SGCZ: variants seen among roughly 807,000 people sequenced by gnomAD.
The protein encoded by SGCZ is zeta-sarcoglycan.
Under a neutral mutation model 41.3 loss-of-function variants are expected in SGCZ, and 40 were observed. That is an observed-to-expected ratio of 0.97 (90% CI 0.75 to 1.26). The LOEUF (loss-of-function observed/expected upper bound fraction) is 1.26, where lower values mean the gene tolerates loss of function less well. Ranked by LOEUF, SGCZ falls within the 50% of genes most tolerant of loss-of-function variation. The pLI, the probability that SGCZ is intolerant of heterozygous loss-of-function variation, is 0.00. For missense variants in SGCZ, 552 were observed against 369.8 expected, an observed-to-expected ratio of 1.49 and a Z score of -4.04; for synonymous variants, 206 against 137.5, an observed-to-expected ratio of 1.50 and a Z score of -3.49.
intron 2 of SGCZ, among the ~76,000 whole-genome samples, chr8:14,542,980 G>A (rs966474997): frequency 6.6e-6 from 1 of 151,754 alleles, no homozygotes; most frequent in African/African-American, 2.4e-5. Flanking sequence ...GCTAGAAAGG[G>A]GGAAAACCAG....
At chr8:14,680,949 G>T (rs1808422230) in intron 1 of SGCZ, among the ~76,000 whole-genome samples, 1 of 68,406 alleles carries the variant, frequency 1.5e-5, no homozygotes, top group African/African-American at 9.5e-5. Context: ...GAAACATACA[G>T]AGGAAAAAGA....
chr8:14,278,689 C>G (rs1800317067), intron 3 of SGCZ, among the ~76,000 whole-genome samples: 1 of 152,092 alleles, frequency 6.6e-6, no homozygotes, highest in East Asian at 1.9e-4. Context: ...TTGATATAAT[C>G]TTTCTAGTAT....
intron 2 of SGCZ, among the ~76,000 whole-genome samples, chr8:14,328,873 C>T (rs563472733): frequency 1.3e-5 from 2 of 152,134 alleles, no homozygotes; most frequent in South Asian, 4.1e-4. Flanking sequence ...TGAAGCTTCA[C>T]GCAGTGTTTC....
chr8:14,409,604 T>A (rs1212916946), intron 2 of SGCZ, among the ~76,000 whole-genome samples: 2 of 152,166 alleles, frequency 1.3e-5, no homozygotes, highest in Non-Finnish European at 2.9e-5. Flanking sequence ...AAATTTGCAT[T>A]AATTATATTA....
intron 3 of SGCZ, among the ~76,000 whole-genome samples, chr8:14,238,868 G>T (rs1488819034): frequency 6.6e-6 from 1 of 151,928 alleles, no homozygotes; most frequent in South Asian, 2.1e-4. Context: ...TAGGCAGTAT[G>T]TCACGTCTAT....
intron 1 of SGCZ, among the ~76,000 whole-genome samples, chr8:14,999,260 C>T (rs1802324979): frequency 6.6e-6 from 1 of 152,130 alleles, no homozygotes; most frequent in Non-Finnish European, 1.5e-5. Flanking sequence ...AAGCTATCTT[C>T]AGAAACACAA....
chr8:14,343,679 G>A lies in SGCZ; in HGVS notation c.235-19475C>T, dbSNP rs13259741. Among the ~76,000 whole-genome samples the A allele has an allele frequency of 2.6e-5, 4 of 152,170 alleles. No individual in the cohort carries two copies. In the East Asian group the frequency reaches 7.7e-4, roughly 29 times the overall value. ...CGGAGCCATAGAGGATTGTATCTTA[G>A]AGACAGAATAATCTAGATTCAGAGG... On this transcript the variant is annotated intron_variant, in intron 2 of 7. Coordinates refer to ENST00000382080, the MANE Select transcript of SGCZ (RefSeq NM_139167.4).
At chr8:14,434,926 ACAC>A (rs1490049927) in intron 2 of SGCZ, among the ~76,000 whole-genome samples, 1 of 152,142 alleles carries the variant, frequency 6.6e-6, no homozygotes, top group Non-Finnish European at 1.5e-5. Context: ...TCCTCACCAG[ACAC>A]CACATCTTTT....
At chr8:14,941,403 C>T (rs1800271476) in intron 1 of SGCZ, among the ~76,000 whole-genome samples, 1 of 151,940 alleles carries the variant, frequency 6.6e-6, no homozygotes, top group African/African-American at 2.4e-5. Flanking sequence ...ATTCATACAG[C>T]GAAATATTAC....
chr8:14,867,724 A>G, intron 1 of SGCZ, among the ~76,000 whole-genome samples: 1 of 152,206 alleles, frequency 6.6e-6, no homozygotes, highest in East Asian at 1.9e-4. Context: ...TGATGTGAAC[A>G]CATGGACCGA....
intron 4 of SGCZ, among the ~76,000 whole-genome samples, chr8:14,193,556 G>T (rs1389391670): frequency 6.6e-6 from 1 of 151,880 alleles, no homozygotes; most frequent in Non-Finnish European, 1.5e-5. Context: ...TCTATTAAAT[G>T]ATTTCAGGCT....
chr8:14,838,918 C>T (rs1334483064), intron 1 of SGCZ, among the ~76,000 whole-genome samples: 1 of 152,056 alleles, frequency 6.6e-6, no homozygotes, highest in Non-Finnish European at 1.5e-5. Flanking sequence ...GTAGGAGACT[C>T]AGAAAGGTGA....
At position 14,102,484 on chromosome 8, in the gene SGCZ, G is replaced by T. The variant is rs764073970; in HGVS notation, c.636C>A (p.Thr212=). ...GGGGAGCTTCCATGATCAAGGATCTGGTGGGTGATTCAAGCCTAAGGGAAA... is the reference window on the plus strand; with the variant it reads ...GGGGAGCTTCCATGATCAAGGATCTTGTGGGTGATTCAAGCCTAAGGGAAA... ...PSQDLRLESP[T]RSLIMEAPRG... is the part of the protein sequence containing the mutation. Residue 212 remains threonine, a synonymous_variant, in exon 7 of 8, where the codon ACC becomes ACA. Transcript: ENST00000382080. 3.4e-6 allele frequency: 5 copies of T among 1,456,876 alleles called. No homozygotes were observed. In the African/African-American group the frequency reaches 5.7e-5, roughly 17 times the overall value. The allele number at this position is 1,456,876 out of a possible 1,614,324, so 90.2% of individuals were successfully genotyped here. A position where few individuals can be genotyped will look rare whatever the true frequency, so the allele number is the denominator to read the frequency against.
intron 1 of SGCZ, among the ~76,000 whole-genome samples, chr8:14,710,369 C>CA (rs770994264): frequency 0.14 from 12,937 of 92,220 alleles, 848 homozygotes; most frequent in African/African-American, 0.15. Context: ...GACTCCGCAT[C>CA]AAAAAAAAAA....
chr8:14,718,813 T>C (rs1296383405), intron 1 of SGCZ, among the ~76,000 whole-genome samples: 1 of 150,358 alleles, frequency 6.7e-6, no homozygotes, highest in Non-Finnish European at 1.5e-5. Flanking sequence ...TTCCACTCTT[T>C]GTCTTTTTTC....
intron 1 of SGCZ, among the ~76,000 whole-genome samples, chr8:14,789,779 C>A (rs1262359001): frequency 1.3e-5 from 2 of 152,122 alleles, no homozygotes. Context: ...GTTAGTCCAA[C>A]TATTTTTGTA....
chr8:14,723,165 G>A lies in SGCZ; in HGVS notation c.40-168239C>T, dbSNP rs547240982. 2.0e-5 allele frequency among the ~76,000 whole-genome samples: 3 copies of A among 152,306 alleles called. No homozygotes were observed. In the East Asian group the frequency reaches 5.8e-4, roughly 29 times the overall value. Reference sequence around the variant, plus strand: ...GCACCAGGGAAGTGCCACTCCCATGGAAAGAAACAGGGATTTTGACTAAGT... The same window carrying A: ...GCACCAGGGAAGTGCCACTCCCATGAAAAGAAACAGGGATTTTGACTAAGT... On this transcript the variant is annotated intron_variant, in intron 1 of 7. Transcript: ENST00000382080.
chr8:15,171,806 C>T (rs1799838043), intron 1 of SGCZ, among the ~76,000 whole-genome samples: 1 of 152,136 alleles, frequency 6.6e-6, no homozygotes, highest in South Asian at 2.1e-4. Flanking sequence ...TGTAGGGACA[C>T]CTAGTAAAAC....
chr8:14,582,365 C>A (rs1443112351), intron 1 of SGCZ, among the ~76,000 whole-genome samples: 5 of 151,960 alleles, frequency 3.3e-5, no homozygotes, highest in African/African-American at 1.2e-4. Context: ...GTCTACTGCA[C>A]ATTATTACAA....
Sources: allele counts gnomAD v4.1 joint callset (sites outside exome capture counted in the v4.1 genomes callset), GRCh38; gene constraint gnomAD v4.1.1; transcripts MANE v1.5; gene names NCBI Gene and HGNC (gene_info 2026-07-23, HGNC 2026-07-21).